Variants in FRYL observed in about 807,000 individuals in gnomAD.
FRYL encodes the protein FRY like transcription coactivator, also known as protein furry homolog-like.
A neutral mutation model predicts 351.2 loss-of-function variants in FRYL; 150 were observed. The observed-to-expected ratio is 0.43, with a 90% CI of 0.37 to 0.49. The LOEUF is 0.49. Among genes scored for constraint, FRYL ranks in the 20% least tolerant of loss-of-function variants. FRYL has a pLI of 0.00. For synonymous variants in FRYL, 1,153 were observed against 1,257.1 expected, an observed-to-expected ratio of 0.92 and a Z score of 1.75; for missense variants, 3,036 against 3,619.3, an observed-to-expected ratio of 0.84 and a Z score of 4.13.
rs1470347324 is a variant in FRYL, at chr4:48,515,351, C to A, written c.7690-76G>T. The A allele has an allele frequency of 2.8e-6, 3 of 1,064,840 alleles. No homozygotes were observed. In the African/African-American group the frequency reaches 4.8e-5, roughly 17 times the overall value. The allele number at this position is 1,064,840 out of a possible 1,614,324, so 66.0% of individuals were successfully genotyped here. ...TTTACAACACAATAAATAAGTATTG[C>A]CATCCATCTAAGTCTGTTTTATTAA... On this transcript the variant is annotated intron_variant, in intron 55 of 63. Transcript: ENST00000358350.
intron 47 of FRYL, among the ~76,000 whole-genome samples, chr4:48,537,466 G>C (rs1057368770): frequency 2.6e-5 from 4 of 152,106 alleles, no homozygotes; most frequent in African/African-American, 9.7e-5. Context: ...TTGAAATTCT[G>C]TGCTCTCCAA....
At chr4:48,659,080 G>A (rs1290035018) in intron 3 of FRYL, among the ~76,000 whole-genome samples, 1 of 152,156 alleles carries the variant, frequency 6.6e-6, no homozygotes, top group Non-Finnish European at 1.5e-5. Context: ...GCCAGGTGCA[G>A]TGGCTCACGC....
At chr4:48,630,613 C>G (rs900762114) in intron 4 of FRYL, among the ~76,000 whole-genome samples, 5 of 152,136 alleles carry the variant, frequency 3.3e-5, no homozygotes, top group Non-Finnish European at 4.4e-5. Flanking sequence ...GCATAGCCTG[C>G]AAGTTGCCAT....
intron 1 of FRYL, among the ~76,000 whole-genome samples, chr4:48,758,465 C>A (rs529483965): frequency 1.2e-3 from 185 of 152,292 alleles, no homozygotes; most frequent in African/African-American, 4.4e-3. Context: ...ATGCAGCCAA[C>A]AGACACATGA....
chr4:48,728,325 C>T (rs1358105636), intron 1 of FRYL, among the ~76,000 whole-genome samples: 3 of 150,754 alleles, frequency 2.0e-5, no homozygotes, highest in Non-Finnish European at 3.0e-5. Flanking sequence ...AACTGGAAAG[C>T]AAAGAGTAAA....
At position 48,557,655 on chromosome 4, in the gene FRYL, T is replaced by C. The variant is rs745336884; in HGVS notation, c.3923A>G (p.Tyr1308Cys). 3 of 1,614,186 alleles carry C rather than the reference T, an allele frequency of 1.9e-6. No homozygotes were observed. The highest frequency in any genetic ancestry group is 1.1e-5 in the South Asian group (1 of 91,082). ...GATGTTGTTCATCCATGGTAGCAGG[T>C]AGTGCAGCATCACCTGCCGCCCAGC... is the stretch of plus-strand genomic sequence containing the variant. Reference protein sequence around the residue: ...HPAGRQVMLHYLLPWMNNIEL... With the variant: ...HPAGRQVMLHCLLPWMNNIEL... Residue 1308 changes from tyrosine to cysteine, a missense_variant, in exon 34 of 64, where the codon TAC becomes TGC. This residue lies in a region of FRYL where 1,987 missense variants were observed against 2,311.7 expected (regional missense o/e 0.86). Coordinates refer to ENST00000358350, the MANE Select transcript of FRYL (RefSeq NM_015030.2).
intron 50 of FRYL, among the ~76,000 whole-genome samples, chr4:48,529,917 T>G (rs755334370): frequency 7.2e-5 from 11 of 152,200 alleles, no homozygotes; most frequent in Non-Finnish European, 1.3e-4. Context: ...TGATGGCCCC[T>G]GCTTCTGTCT....
intron 59 of FRYL, among the ~76,000 whole-genome samples, chr4:48,508,586 T>C (rs1455993405): frequency 6.6e-6 from 1 of 152,208 alleles, no homozygotes; most frequent in Non-Finnish European, 1.5e-5. Flanking sequence ...ATCTATGTGC[T>C]GGCTGGGAGT....
At chr4:48,556,277 C>T (rs1362203184) in intron 35 of FRYL, among the ~76,000 whole-genome samples, 1 of 152,214 alleles carries the variant, frequency 6.6e-6, no homozygotes, top group Admixed American at 6.5e-5. Context: ...GGATAGATAT[C>T]TATATCTGCA....
At chr4:48,770,855 T>C (rs1775442739) in intron 1 of FRYL, among the ~76,000 whole-genome samples, 2 of 152,200 alleles carry the variant, frequency 1.3e-5, no homozygotes, top group Admixed American at 6.5e-5. Flanking sequence ...CAGACTTCTG[T>C]TACAGAGGCT....
chr4:48,620,316 T>C (rs1750395015), intron 6 of FRYL, among the ~76,000 whole-genome samples: 1 of 152,216 alleles, frequency 6.6e-6, no homozygotes, highest in Admixed American at 6.5e-5. Context: ...AGGAACTTCT[T>C]TGAATATTTT....
intron 1 of FRYL, among the ~76,000 whole-genome samples, chr4:48,748,185 G>A (rs928556342): frequency 8.5e-5 from 13 of 152,076 alleles, no homozygotes; most frequent in African/African-American, 2.7e-4. Flanking sequence ...GGCAGAGGCT[G>A]CAGTGAGCTG....
chr4:48,610,641 GTATAT>G, intron 7 of FRYL, among the ~76,000 whole-genome samples: 1 of 143,586 alleles, frequency 7.0e-6, no homozygotes, highest in South Asian at 2.2e-4. Context: ...TGTATATATA[GTATAT>G]ATGTATATAT....
In FRYL at chr4:48,524,790, C is replaced by T. The variant is rs1725651791; in HGVS notation, c.7318-1686G>A. On this transcript the variant is annotated intron_variant, in intron 53 of 63. Transcript: ENST00000358350. ...CACTGAATGAACTTGAAAGCATTTA[C>T]AGTTCTCTTTAAACAAGAGGCAAAC... Among the ~76,000 whole-genome samples the T allele has an allele frequency of 2.6e-5, 4 of 152,084 alleles. No individual in the cohort carries two copies. The South Asian group carries it at 8.3e-4, about 32-fold the overall frequency.
At chr4:48,513,307 G>A (rs1281696800) in intron 56 of FRYL, among the ~76,000 whole-genome samples, 2 of 152,190 alleles carry the variant, frequency 1.3e-5, no homozygotes, top group Non-Finnish European at 2.9e-5. Context: ...CACATGGCTA[G>A]CTCAGCTATT....
chr4:48,660,726 A>G (rs1338585159), intron 3 of FRYL, among the ~76,000 whole-genome samples: 1 of 152,204 alleles, frequency 6.6e-6, no homozygotes, highest in Admixed American at 6.5e-5. Context: ...AAGTCATTTT[A>G]ATACTACAGA....
chr4:48,733,560 T>C (rs1170568731), intron 1 of FRYL, among the ~76,000 whole-genome samples: 2 of 152,146 alleles, frequency 1.3e-5, no homozygotes, highest in Non-Finnish European at 2.9e-5. Flanking sequence ...AACTTTTCTT[T>C]TTCTTACTCC....
intron 20 of FRYL, among the ~76,000 whole-genome samples, 194 bp from the exon 21 acceptor site, chr4:48,581,799 T>A (rs923303076): frequency 2.0e-5 from 3 of 152,222 alleles, no homozygotes; most frequent in African/African-American, 7.2e-5. Flanking sequence ...GCAGTCTAAA[T>A]ATGAATTCTG....
intron 2 of FRYL, among the ~76,000 whole-genome samples, chr4:48,704,764 C>A (rs902099530): frequency 2.6e-5 from 4 of 152,020 alleles, no homozygotes; most frequent in African/African-American, 9.7e-5. Context: ...GCCTGGCCAA[C>A]AAGGCAAAAC....
Sources: allele counts gnomAD v4.1 joint callset (sites outside exome capture counted in the v4.1 genomes callset), GRCh38; gene constraint gnomAD v4.1.1; regional missense constraint gnomAD v4.1.1; transcripts MANE v1.5; gene names NCBI Gene and HGNC (gene_info 2026-07-23, HGNC 2026-07-21).